ITPR2: variants seen among roughly 807,000 people sequenced by gnomAD.
ITPR2 encodes inositol 1,4,5-trisphosphate-gated calcium channel ITPR2.
A neutral mutation model predicts 317.1 loss-of-function variants in ITPR2; 207 were observed. The ratio of observed to expected loss-of-function variants is 0.65; its 90% CI spans 0.58 to 0.73. ITPR2 has a LOEUF of 0.73. Among genes scored for constraint, ITPR2 ranks in the 30% least tolerant of loss-of-function variants. The pLI, the probability that ITPR2 is intolerant of heterozygous loss-of-function variation, is 0.00. For synonymous variants in ITPR2, 1,156 were observed against 1,149.1 expected, an observed-to-expected ratio of 1.01 and a Z score of -0.12; for missense variants, 2,613 against 3,284.0, an observed-to-expected ratio of 0.80 and a Z score of 4.99.
At chr12:26,638,254 A>C (rs1007657178) in intron 21 of ITPR2, among the ~76,000 whole-genome samples, 4 of 152,226 alleles carry the variant, frequency 2.6e-5, no homozygotes, top group Non-Finnish European at 5.9e-5. Context: ...ACTGATCTTC[A>C]ATGATTAATA....
At chr12:26,347,107 A>T (rs1322828236) in intron 55 of ITPR2, among the ~76,000 whole-genome samples, 1 of 152,182 alleles carries the variant, frequency 6.6e-6, no homozygotes. Flanking sequence ...CCTGCACCTG[A>T]CTTCCACTTC....
chr12:26,654,552 G>A lies in ITPR2; in HGVS notation c.2590-426C>T, dbSNP rs370371019. ...GGATCGCACAGGACATTCCAAGTGCGAGAGTCTACCTCCAAGATGTGGCCC... is the reference window on the plus strand; with the variant it reads ...GGATCGCACAGGACATTCCAAGTGCAAGAGTCTACCTCCAAGATGTGGCCC... On this transcript the variant is annotated intron_variant, in intron 20 of 56. Transcript: ENST00000381340. 4.5e-4 allele frequency among the ~76,000 whole-genome samples: 68 copies of A among 152,248 alleles called. 1 individual carries two copies. In the South Asian group the frequency reaches 0.011, roughly 25 times the overall value.
At chr12:26,774,796 G>A (rs2137161770) in intron 2 of ITPR2, among the ~76,000 whole-genome samples, 1 of 152,286 alleles carries the variant, frequency 6.6e-6, no homozygotes, top group South Asian at 2.1e-4. Flanking sequence ...TTCTCTGCAT[G>A]AGAGCTCTCC....
rs913455498 is a variant in ITPR2 at position 26,715,843 on chromosome 12, T to G, written c.625-8A>C. On this transcript the variant is annotated splice_polypyrimidine_tract_variant and splice_region_variant and intron_variant, in intron 6 of 56. Transcript: ENST00000381340. ...GCAATTGACAGCATTCACCTATTAA[T>G]GAAGAAACGTTCAAAGTTATAAGAC... is the stretch of plus-strand genomic sequence containing the variant. 14 of 1,573,996 alleles carry G rather than the reference T, an allele frequency of 8.9e-6. No individual in the cohort carries two copies. In the African/African-American group the frequency reaches 1.5e-4, roughly 17 times the overall value.
intron 13 of ITPR2, among the ~76,000 whole-genome samples, chr12:26,672,539 A>G (rs1171350438): frequency 6.6e-6 from 1 of 150,762 alleles, no homozygotes; most frequent in African/African-American, 2.4e-5. Flanking sequence ...TCTCTGGGAC[A>G]CATTCAAAGC....
At chr12:26,473,169 G>C (rs1432659972) in intron 45 of ITPR2, among the ~76,000 whole-genome samples, 1 of 152,186 alleles carries the variant, frequency 6.6e-6, no homozygotes, top group Non-Finnish European at 1.5e-5. Context: ...TTACAGGCGT[G>C]AGCCATTGCA....
chr12:26,583,259 C>A (rs2137080536), intron 32 of ITPR2, among the ~76,000 whole-genome samples: 1 of 152,228 alleles, frequency 6.6e-6, no homozygotes, highest in African/African-American at 2.4e-5. Flanking sequence ...GCCTCTTTTT[C>A]ATGGAATCAT....
chr12:26,557,029 A>G (rs1181446549), intron 35 of ITPR2, among the ~76,000 whole-genome samples: 1 of 152,062 alleles, frequency 6.6e-6, no homozygotes, highest in Non-Finnish European at 1.5e-5. Flanking sequence ...CAGTGACGCA[A>G]TATAGCACCA....
chr12:26,650,259 G>C (rs1352531032), intron 21 of ITPR2, among the ~76,000 whole-genome samples: 2 of 152,152 alleles, frequency 1.3e-5, no homozygotes, highest in Non-Finnish European at 2.9e-5. Context: ...AAGAGAAAAA[G>C]ATCAGCAGTT....
chr12:26,711,963 T>C (rs1440156012), intron 8 of ITPR2, among the ~76,000 whole-genome samples: 1 of 152,206 alleles, frequency 6.6e-6, no homozygotes, highest in Non-Finnish European at 1.5e-5. Context: ...TTGATACCTG[T>C]CTCTGAATTG....
At chr12:26,622,891 T>C (rs1946532702) in intron 24 of ITPR2, among the ~76,000 whole-genome samples, 1 of 151,968 alleles carries the variant, frequency 6.6e-6, no homozygotes, top group African/African-American at 2.4e-5. Flanking sequence ...CTGGGTGAGG[T>C]TCCACTGGAA....
chr12:26,516,987 T>C (rs1943539435), intron 37 of ITPR2, among the ~76,000 whole-genome samples: 1 of 152,116 alleles, frequency 6.6e-6, no homozygotes, highest in African/African-American at 2.4e-5. Flanking sequence ...TTTTAAAATA[T>C]ATAATGTAAT....
intron 10 of ITPR2, among the ~76,000 whole-genome samples, chr12:26,686,854 G>T (rs1284289041): frequency 6.6e-6 from 1 of 152,164 alleles, no homozygotes; most frequent in Middle Eastern, 3.2e-3. Flanking sequence ...GGCTTGATCT[G>T]CCCACATCAT....
intron 54 of ITPR2, among the ~76,000 whole-genome samples, chr12:26,393,915 A>G (rs971169169): frequency 6.6e-6 from 1 of 152,224 alleles, no homozygotes; most frequent in Non-Finnish European, 1.5e-5. Context: ...TCAGACAAGT[A>G]TAGAGACAAT....
At position 26,382,267 on chromosome 12, in the gene ITPR2, C is replaced by CA. The variant is rs565698223; in HGVS notation, c.7857+5166dup. 7.2e-5 allele frequency among the ~76,000 whole-genome samples: 11 copies of CA among 152,226 alleles called. No homozygotes were observed. In the South Asian group the frequency reaches 1.9e-3, roughly 26 times the overall value. ...TATCAAACATGAGGGTTTACATCCC[C>CA]AAAATACCTTGATCTACTCATATTT... is the stretch of plus-strand genomic sequence containing the variant. On this transcript the variant is annotated intron_variant, in intron 55 of 56. Transcript: ENST00000381340.
intron 37 of ITPR2, among the ~76,000 whole-genome samples, chr12:26,545,472 C>T (rs753480599): frequency 6.6e-6 from 1 of 152,096 alleles, no homozygotes; most frequent in Non-Finnish European, 1.5e-5. Flanking sequence ...ATGCAGGTGG[C>T]CTCCAGAATC....
intron 45 of ITPR2, among the ~76,000 whole-genome samples, chr12:26,473,837 T>C (rs1340021740): frequency 2.6e-5 from 4 of 152,164 alleles, no homozygotes; most frequent in African/African-American, 9.7e-5. Flanking sequence ...ATCCTAAATC[T>C]CCACTTTCTG....
intron 21 of ITPR2, among the ~76,000 whole-genome samples, chr12:26,646,427 G>A (rs1436737054): frequency 1.3e-5 from 2 of 151,958 alleles, no homozygotes; most frequent in African/African-American, 4.8e-5. Context: ...TAGATAATGT[G>A]CAGTCCCTAT....
At position 26,509,116 on chromosome 12, in the gene ITPR2, CAAGTG is replaced by C. The variant is rs557600433; in HGVS notation, c.5074-13861_5074-13857del. ...TGTATGAGCCTTGAAAACATTATGC[CAAGTG>C]AAGGGAGGCAGTCACAAAAGACCAC... On this transcript the variant is annotated intron_variant, in intron 37 of 56. Coordinates refer to ENST00000381340, the MANE Select transcript of ITPR2 (RefSeq NM_002223.4). 2.4e-4 allele frequency among the ~76,000 whole-genome samples: 37 copies of C among 152,208 alleles called. No homozygotes were observed. The South Asian group carries it at 7.3e-3, about 30-fold the overall frequency.
Sources: allele counts gnomAD v4.1 joint callset (sites outside exome capture counted in the v4.1 genomes callset), GRCh38; gene constraint gnomAD v4.1.1; transcripts MANE v1.5; gene names NCBI Gene and HGNC (gene_info 2026-07-23, HGNC 2026-07-21).